The following HHAT variants were observed in gnomAD, a reference collection of about 807,000 sequenced individuals.
HHAT encodes protein-cysteine N-palmitoyltransferase HHAT.
HHAT carries 47 observed loss-of-function variants against 70.8 expected under a neutral mutation model. The ratio of observed to expected loss-of-function variants is 0.66; its 90% CI spans 0.53 to 0.85. The LOEUF is 0.85. Ranked by LOEUF, HHAT falls within the 40% of genes least tolerant of loss-of-function variation. The pLI, the probability that HHAT is intolerant of heterozygous loss-of-function variation, is 0.00. For synonymous variants in HHAT, 228 were observed against 247.6 expected (o/e 0.92, Z 0.74); for missense variants, 609 against 604.8 (o/e 1.01, Z -0.07).
At chr1:210,525,702 T>C (rs2148618629) in intron 9 of HHAT, among the ~76,000 whole-genome samples, 1 of 152,324 alleles carries the variant, frequency 6.6e-6, no homozygotes, top group South Asian at 2.1e-4. Context: ...CCACCATATA[T>C]AGCTTTATCA....
chr1:210,477,971 T>C (rs2094331244), intron 8 of HHAT, among the ~76,000 whole-genome samples: 1 of 152,236 alleles, frequency 6.6e-6, no homozygotes, highest in Non-Finnish European at 1.5e-5. Context: ...GCAGTAATTG[T>C]CATAGCAATA....
At chr1:210,346,721 G>T (rs2147962090) in intron 1 of HHAT, among the ~76,000 whole-genome samples, 1 of 152,318 alleles carries the variant, frequency 6.6e-6, no homozygotes, top group Middle Eastern at 3.4e-3. Flanking sequence ...TTCCCTTCCT[G>T]CTCTGTCTCC....
At chr1:210,411,669 T>C (rs12071309) in intron 6 of HHAT, among the ~76,000 whole-genome samples, 44,770 of 151,954 alleles carry the variant, frequency 0.29, 6,967 homozygotes, top group South Asian at 0.42. Context: ...GCAGGAGGAT[T>C]GCTTGAGCCA....
Position 210,674,631 on chromosome 1 carries a change from TG to T in HHAT, c.*253del. On this transcript the variant is annotated 3_prime_UTR_variant, in exon 12 of 12. Transcript: ENST00000261458. ...AGGAAACGGGTCCAGGGCAGTCGTG[TG>T]TCTTACCCAGCTACACAGGGTGACA... The T allele has an allele frequency of 2.2e-6, 1 of 451,486 alleles. No individual in the cohort carries two copies. The highest frequency in any genetic ancestry group is 3.7e-5 in the East Asian group (1 of 27,136). 28.0% of individuals were successfully genotyped at this position (451,486 alleles called of 1,614,324 possible).
chr1:210,479,520 T>C (rs2094358999), intron 8 of HHAT, among the ~76,000 whole-genome samples: 3 of 152,174 alleles, frequency 2.0e-5, no homozygotes, highest in African/African-American at 4.8e-5. Context: ...ATTTTATTGA[T>C]GAGAAAAATA....
chr1:210,359,865 G>GA (rs1296700268), intron 2 of HHAT, among the ~76,000 whole-genome samples: 8 of 147,002 alleles, frequency 5.4e-5, no homozygotes, highest in East Asian at 2.1e-4. Flanking sequence ...AGACTTCTGG[G>GA]AAAAAACAAA....
intron 7 of HHAT, among the ~76,000 whole-genome samples, chr1:210,456,686 A>G (rs933322844): frequency 1.3e-5 from 2 of 152,156 alleles, no homozygotes; most frequent in South Asian, 4.2e-4. Flanking sequence ...GGCCAATGAC[A>G]CTGTTGAGCT....
At chr1:210,634,751 A>C (rs1246751909) in intron 11 of HHAT, among the ~76,000 whole-genome samples, 1 of 152,184 alleles carries the variant, frequency 6.6e-6, no homozygotes, top group African/African-American at 2.4e-5. Context: ...TTCTCACTTT[A>C]TGACCGCGCT....
chr1:210,359,954 G>A (rs963111692), intron 2 of HHAT, among the ~76,000 whole-genome samples: 1 of 152,156 alleles, frequency 6.6e-6, no homozygotes, highest in Non-Finnish European at 1.5e-5. Flanking sequence ...AGGCAGCTCT[G>A]TGTGAATTAA....
Position 210,590,920 on chromosome 1 carries a change from T to G in HHAT, c.1245+2821T>G, listed in dbSNP as rs1007504609. On this transcript the variant is annotated intron_variant, in intron 10 of 11. Transcript: ENST00000261458. The stretch of plus-strand genomic sequence containing the variant: ...ATTATTTTTTCTTTGTCATATCTTC[T>G]TTACAAAAAATGTTTGTGGGTACAT... Among the ~76,000 whole-genome samples, 8 of 152,136 alleles carry G rather than the reference T, an allele frequency of 5.3e-5. No homozygotes were observed. In the South Asian group the frequency reaches 1.0e-3, roughly 20 times the overall value.
chr1:210,529,246 A>G (rs971986191), intron 9 of HHAT, among the ~76,000 whole-genome samples: 1 of 151,406 alleles, frequency 6.6e-6, no homozygotes, highest in Non-Finnish European at 1.5e-5. Flanking sequence ...TAGAGGTTGC[A>G]GTGAGCAGAG....
intron 7 of HHAT, among the ~76,000 whole-genome samples, chr1:210,455,695 C>T (rs1419982617): frequency 1.3e-5 from 2 of 152,046 alleles, no homozygotes; most frequent in Non-Finnish European, 2.9e-5. Context: ...TAGTTCTCAC[C>T]ACAGAGAGAA....
At chr1:210,327,349 C>T (rs1334547144), upstream of HHAT, among the ~76,000 whole-genome samples, 1 of 145,508 alleles carries the variant, frequency 6.9e-6, no homozygotes, top group Non-Finnish European at 1.5e-5. Flanking sequence ...GTTGGCCAGG[C>T]TGGTCTCGAA....
At chr1:210,395,247 GA>G (rs1323068954) in intron 4 of HHAT, among the ~76,000 whole-genome samples, 1 of 152,146 alleles carries the variant, frequency 6.6e-6, no homozygotes, top group Non-Finnish European at 1.5e-5. Flanking sequence ...AAACTCTAAG[GA>G]GGGAACCCAC....
rs1019787080 is a variant in HHAT, at chr1:210,431,944, C to T, written c.856+13619C>T. ...ATTTAAATGTTATAATTGTTTTATT[C>T]GACTCTTAAAACAATTAATTTGAGG... On this transcript the variant is annotated intron_variant, in intron 7 of 11. Transcript: ENST00000261458. Among the ~76,000 whole-genome samples, 6 of 151,860 alleles carry T rather than the reference C, an allele frequency of 4.0e-5. No homozygotes were observed. In the East Asian group the frequency reaches 5.8e-4, roughly 15 times the overall value.
chr1:210,469,645 GA>G (rs1187748491), intron 8 of HHAT, among the ~76,000 whole-genome samples: 1 of 152,040 alleles, frequency 6.6e-6, no homozygotes, highest in African/African-American at 2.4e-5. Context: ...ATTACAAATA[GA>G]GTAAAATTTA....
At chr1:210,345,393 T>C (rs2086429891) in intron 1 of HHAT, among the ~76,000 whole-genome samples, 1 of 152,230 alleles carries the variant, frequency 6.6e-6, no homozygotes, top group African/African-American at 2.4e-5. Flanking sequence ...CCCACCCTAA[T>C]TGTAAATGTT....
chr1:210,651,938 A>T (rs935772755), intron 11 of HHAT, among the ~76,000 whole-genome samples: 36 of 152,154 alleles, frequency 2.4e-4, no homozygotes, highest in African/African-American at 8.7e-4. Context: ...CTGAGTCCTG[A>T]CCTTGAGAGG....
At chr1:210,382,909 G>A (rs1329866510) in intron 3 of HHAT, among the ~76,000 whole-genome samples, 2 of 152,164 alleles carry the variant, frequency 1.3e-5, no homozygotes, top group African/African-American at 4.8e-5. Context: ...TTTCCTCCTT[G>A]GCTTCAGACA....
Sources: allele counts gnomAD v4.1 joint callset (sites outside exome capture counted in the v4.1 genomes callset), GRCh38; gene constraint gnomAD v4.1.1; transcripts MANE v1.5; gene names NCBI Gene and HGNC (gene_info 2026-07-23, HGNC 2026-07-21).